Variants in PRICKLE2 observed in about 807,000 individuals in gnomAD.
PRICKLE2 encodes the protein prickle-like protein 2.
PRICKLE2 carries 21 observed loss-of-function variants against 81.4 expected under a neutral mutation model. The observed-to-expected ratio is 0.26, with a 90% CI of 0.18 to 0.37. The LOEUF (loss-of-function observed/expected upper bound fraction) is 0.37. Ranked by LOEUF, PRICKLE2 falls within the 10% of genes least tolerant of loss-of-function variation. The pLI is 1.00. For missense variants in PRICKLE2, 940 were observed against 1,109.0 expected (o/e 0.85, Z 2.16); for synonymous variants, 456 against 421.5 (o/e 1.08, Z -1.00).
chr3:64,193,962 A>T (rs2078399879), intron 2 of PRICKLE2, among the ~76,000 whole-genome samples: 1 of 152,224 alleles, frequency 6.6e-6, no homozygotes, highest in Non-Finnish European at 1.5e-5. Flanking sequence ...GTAGTGTGAA[A>T]ACAGACTAAT....
At chr3:64,188,617 C>T (rs1050632131) in intron 2 of PRICKLE2, among the ~76,000 whole-genome samples, 1 of 152,160 alleles carries the variant, frequency 6.6e-6, no homozygotes, top group African/African-American at 2.4e-5. Flanking sequence ...ATGTAAAGTC[C>T]CAGCTCAAAT....
At chr3:64,240,945 G>A (rs925821473) in intron 2 of PRICKLE2, among the ~76,000 whole-genome samples, 11 of 152,146 alleles carry the variant, frequency 7.2e-5, no homozygotes, top group Middle Eastern at 3.2e-3. Flanking sequence ...GAGGGTCCAG[G>A]ATGGCCAGTT....
At chr3:64,247,726 C>T (rs910137771) in intron 2 of PRICKLE2, among the ~76,000 whole-genome samples, 1 of 152,140 alleles carries the variant, frequency 6.6e-6, no homozygotes, top group African/African-American at 2.4e-5. Context: ...TCCCCCTATC[C>T]CCTGCCAAAA....
Position 64,141,535 on chromosome 3 carries a change from T to G in PRICKLE2, c.1660+5295A>C, listed in dbSNP as rs913675673. 1.1e-4 allele frequency among the ~76,000 whole-genome samples: 17 copies of G among 152,232 alleles called. 1 individual carries two copies. Among genetic ancestry groups the G allele is most frequent in the Admixed American group, 9.2e-4 (14 of 15,288 alleles). ...CAGGCTGCAAGCTGCTTTAGAGGCATGTTTAGGGGCTGGCAAAGTTAAAGC... is the reference window on the plus strand; with the variant it reads ...CAGGCTGCAAGCTGCTTTAGAGGCAGGTTTAGGGGCTGGCAAAGTTAAAGC... On this transcript the variant is annotated intron_variant, in intron 7 of 7. Transcript: ENST00000638394.
intron 2 of PRICKLE2, among the ~76,000 whole-genome samples, chr3:64,198,260 C>CAAA (rs1163724704): frequency 5.8e-5 from 8 of 136,758 alleles, no homozygotes; most frequent in African/African-American, 2.4e-4. Context: ...ATAAATAAAA[C>CAAA]AAAAAAAATT....
chr3:64,171,295 T>A (rs2077926437), intron 2 of PRICKLE2, among the ~76,000 whole-genome samples: 1 of 152,210 alleles, frequency 6.6e-6, no homozygotes, highest in South Asian at 2.1e-4. Flanking sequence ...CCAAGAGATA[T>A]TTGACAATGT....
At chr3:64,107,975 A>C (rs2106948243) in intron 7 of PRICKLE2, among the ~76,000 whole-genome samples, 1 of 152,350 alleles carries the variant, frequency 6.6e-6, no homozygotes, top group South Asian at 2.1e-4. Context: ...GCTGAGATAG[A>C]AACATGGAGA....
chr3:64,141,916 C>T (rs905881865), intron 7 of PRICKLE2: 1 of 985,000 alleles, frequency 1.0e-6, no homozygotes. Flanking sequence ...TTTCACTAAG[C>T]CTTTTGTGGC....
At chr3:64,182,199 T>A (rs145437873) in intron 2 of PRICKLE2, among the ~76,000 whole-genome samples, 3 of 152,224 alleles carry the variant, frequency 2.0e-5, no homozygotes, top group Non-Finnish European at 4.4e-5. Flanking sequence ...AGAGGGCTTG[T>A]GGCCAGGCGT....
chr3:64,099,279 G>C lies in PRICKLE2; in HGVS notation c.2307C>G (p.Phe769Leu). Residue 769 changes from phenylalanine to leucine, a missense_variant, in exon 8 of 8, where the codon TTC (phenylalanine) becomes TTG (leucine). This residue lies in a region of PRICKLE2 where 670 missense variants were observed against 717.2 expected (regional missense o/e 0.93). Transcript: ENST00000638394. This position sits in a 1 kb window ranked among gnomAD's most constrained non-coding sequence, Gnocchi z 4.3. ...NAFGDRWGPY[F>L]AEYDWCSTCS... is the part of the protein sequence containing the mutation. ...AGGTGGAACACCAATCATACTCGGC[G>C]AAGTAGGGTCCCCAGCGGTCCCCAA... 4 of 1,614,194 alleles carry C rather than the reference G, an allele frequency of 2.5e-6. No homozygotes were observed. The highest frequency in any genetic ancestry group is 3.4e-6 in the Non-Finnish European group (4 of 1,180,024).
At chr3:64,183,099 G>C (rs949225582) in intron 2 of PRICKLE2, among the ~76,000 whole-genome samples, 1 of 151,552 alleles carries the variant, frequency 6.6e-6, no homozygotes, top group East Asian at 1.9e-4. Flanking sequence ...ATAAGAAAAG[G>C]CTTAAAATAA....
chr3:64,199,140 C>A, intron 1 of PRICKLE2, 173 bp from the exon 2 acceptor site: 1 of 661,316 alleles, frequency 1.5e-6, no homozygotes, highest in Non-Finnish European at 2.6e-6. Flanking sequence ...TTGCAGAGGG[C>A]GTGGTACACG....
At chr3:64,101,191 C>A (rs1346106852) in intron 7 of PRICKLE2, 5 of 152,194 alleles carry the variant, frequency 3.3e-5, no homozygotes, top group Non-Finnish European at 5.9e-5. Context: ...AATTCTCCAT[C>A]TTCACTCTTG....
Position 64,099,147 on chromosome 3 carries a change from G to A in PRICKLE2, c.2439C>T (p.Tyr813=), listed in dbSNP as rs751695018. ...YVTSDELLHK[Y]SSYGLPKSST... is the part of the protein sequence containing the mutation. The stretch of plus-strand genomic sequence containing the variant: ...AAGATTTGGGGAGGCCGTAGGAGCT[G>A]TATTTGTGCAGCAGCTCATCGCTTG... The change falls in exon 8 of 8, where the codon TAC becomes TAT. Residue 813 remains tyrosine, a synonymous_variant. Transcript: ENST00000638394. This position sits in a 1 kb window ranked among gnomAD's most constrained non-coding sequence, Gnocchi z 4.3. The A allele has an allele frequency of 1.2e-6, 2 of 1,614,250 alleles. No homozygotes were observed. The highest frequency in any genetic ancestry group is 1.7e-5 in the Admixed American group (1 of 60,032).
chr3:64,198,338 T>C (rs550865618), intron 2 of PRICKLE2, among the ~76,000 whole-genome samples: 1 of 152,302 alleles, frequency 6.6e-6, no homozygotes, highest in South Asian at 2.1e-4. Flanking sequence ...AAAGAAATTT[T>C]ATGTGTCAGA....
chr3:64,234,508 A>G (rs1487419600), intron 2 of PRICKLE2, among the ~76,000 whole-genome samples: 2 of 152,168 alleles, frequency 1.3e-5, no homozygotes, highest in Non-Finnish European at 2.9e-5. Flanking sequence ...AATTGGGCAC[A>G]CGTGTTAAAA....
chr3:64,238,062 A>G (rs2079208137), intron 2 of PRICKLE2, among the ~76,000 whole-genome samples: 1 of 152,200 alleles, frequency 6.6e-6, no homozygotes, highest in South Asian at 2.1e-4. Context: ...CCTTGCAGCC[A>G]CCATCTTGAT....
At chr3:64,222,699 G>A (rs2078975142) in intron 1 of PRICKLE2, among the ~76,000 whole-genome samples, 1 of 152,154 alleles carries the variant, frequency 6.6e-6, no homozygotes, top group South Asian at 2.1e-4. Flanking sequence ...AACTTCTGAG[G>A]AGCCAACCAG....
chr3:64,171,693 G>A (rs2077934453), intron 2 of PRICKLE2, among the ~76,000 whole-genome samples: 1 of 152,232 alleles, frequency 6.6e-6, no homozygotes, highest in African/African-American at 2.4e-5. Flanking sequence ...GATCTAGACA[G>A]ACACATACAG....
Sources: allele counts gnomAD v4.1 joint callset (sites outside exome capture counted in the v4.1 genomes callset), GRCh38; gene constraint gnomAD v4.1.1; regional missense constraint gnomAD v4.1.1; non-coding constraint Gnocchi (gnomAD v3.1); transcripts MANE v1.5; gene names NCBI Gene and HGNC (gene_info 2026-07-23, HGNC 2026-07-21).